Variants in ATP8A2 observed in about 807,000 individuals in gnomAD.
The protein encoded by ATP8A2 is ATPase phospholipid transporting 8A2.
Under a neutral mutation model 165.6 loss-of-function variants are expected in ATP8A2, and 100 were observed. The observed-to-expected ratio is 0.60, with a 90% confidence interval of 0.51 to 0.71. The LOEUF (loss-of-function observed/expected upper bound fraction) is 0.71, where lower values mean the gene tolerates loss of function less well. Ranked by LOEUF, ATP8A2 falls within the 30% of genes least tolerant of loss-of-function variation. The pLI is 0.00. For synonymous variants in ATP8A2, 543 were observed against 548.8 expected (o/e 0.99, Z 0.15); for missense variants, 1,227 against 1,479.5 (o/e 0.83, Z 2.80).
intron 33 of ATP8A2, among the ~76,000 whole-genome samples, chr13:25,916,582 A>G (rs1011981112): frequency 5.3e-5 from 8 of 152,158 alleles, no homozygotes; most frequent in South Asian, 2.1e-4. Context: ...CGGCTGTGCC[A>G]TGGGATCCAA....
At chr13:25,922,308 TTTATAGGTG>T (rs1259772302) in intron 33 of ATP8A2, among the ~76,000 whole-genome samples, 3 of 152,172 alleles carry the variant, frequency 2.0e-5, no homozygotes, top group Non-Finnish European at 4.4e-5. Context: ...CCCAGGTGGA[TTTATAGGTG>T]TTTAGAATAA....
intron 33 of ATP8A2, among the ~76,000 whole-genome samples, chr13:25,938,293 A>T (rs1416559733): frequency 6.6e-6 from 1 of 152,208 alleles, no homozygotes; most frequent in Non-Finnish European, 1.5e-5. Context: ...AAACGGACGG[A>T]CTTTTACAGC....
intron 24 of ATP8A2, among the ~76,000 whole-genome samples, chr13:25,684,160 T>C (rs960728677): frequency 2.0e-5 from 3 of 152,212 alleles, no homozygotes; most frequent in Non-Finnish European, 4.4e-5. Context: ...GTGTGTGACG[T>C]TGATCTTATT....
intron 33 of ATP8A2, among the ~76,000 whole-genome samples, chr13:25,890,341 C>T (rs2138893805): frequency 6.6e-6 from 1 of 152,212 alleles, no homozygotes; most frequent in Non-Finnish European, 1.5e-5. Context: ...TCTTTTGTAT[C>T]TCTTTAAATA....
chr13:25,854,952 C>A (rs1952115316), intron 30 of ATP8A2, among the ~76,000 whole-genome samples: 1 of 152,074 alleles, frequency 6.6e-6, no homozygotes, highest in Non-Finnish European at 1.5e-5. Context: ...ACCCTATATT[C>A]ATTAAGAATC....
chr13:25,444,947 T>G (rs187244068), intron 1 of ATP8A2, among the ~76,000 whole-genome samples: 46 of 152,322 alleles, frequency 3.0e-4, no homozygotes, highest in Non-Finnish European at 5.3e-4. Flanking sequence ...CCCGAGCATC[T>G]TTTCATGTGT....
intron 24 of ATP8A2, among the ~76,000 whole-genome samples, chr13:25,685,037 A>G (rs2042571992): frequency 6.6e-6 from 1 of 152,228 alleles, no homozygotes; most frequent in Non-Finnish European, 1.5e-5. Context: ...ACTCATTTAA[A>G]TAACCTGCTT....
At position 25,481,017 on chromosome 13, in the gene ATP8A2, G is replaced by A. The variant is rs183013421; in HGVS notation, c.221+11896G>A. Among the ~76,000 whole-genome samples, 38 of 152,298 alleles carry A rather than the reference G, an allele frequency of 2.5e-4. No individual in the cohort carries two copies. In the East Asian group the frequency reaches 6.6e-3, roughly 26 times the overall value. On this transcript the variant is annotated intron_variant, in intron 2 of 36. Coordinates refer to ENST00000381655, the MANE Select transcript of ATP8A2 (RefSeq NM_016529.6). ...AAAAAAATATGAAAACCAGTCAGGC[G>A]TGGCAGCGCGCGCCTGCAATCACAG...
intron 2 of ATP8A2, among the ~76,000 whole-genome samples, chr13:25,483,754 G>C (rs2036275018): frequency 6.6e-6 from 1 of 152,172 alleles, no homozygotes; most frequent in Admixed American, 6.5e-5. Context: ...AAAATAATTA[G>C]ATGAGAATGT....
At chr13:25,729,731 C>A (rs2043575875) in intron 25 of ATP8A2, among the ~76,000 whole-genome samples, 1 of 151,830 alleles carries the variant, frequency 6.6e-6, no homozygotes, top group South Asian at 2.1e-4. Flanking sequence ...AAAAAAAAAG[C>A]TGAAATGTTG....
intron 2 of ATP8A2, among the ~76,000 whole-genome samples, chr13:25,489,777 C>T (rs143723959): frequency 4.7e-4 from 72 of 152,254 alleles, no homozygotes; most frequent in African/African-American, 1.7e-3. Context: ...TTACTTATGC[C>T]TCGGAAATTG....
At chr13:25,856,485 A>G (rs767032889) in intron 30 of ATP8A2, among the ~76,000 whole-genome samples, 1 of 152,126 alleles carries the variant, frequency 6.6e-6, no homozygotes, top group Non-Finnish European at 1.5e-5. Flanking sequence ...CCTAGACTTC[A>G]CTCCCATATA....
At chr13:25,966,523 G>T (rs1370958933) in intron 34 of ATP8A2, among the ~76,000 whole-genome samples, 3 of 152,198 alleles carry the variant, frequency 2.0e-5, no homozygotes, top group Non-Finnish European at 4.4e-5. Flanking sequence ...GCTGTTAAAT[G>T]CATGCAGAAA....
chr13:25,649,487 C>T (rs2041760201), intron 24 of ATP8A2, among the ~76,000 whole-genome samples: 1 of 152,166 alleles, frequency 6.6e-6, no homozygotes, highest in Non-Finnish European at 1.5e-5. Context: ...AATAGAAATG[C>T]ATGGTTGAAG....
intron 25 of ATP8A2, among the ~76,000 whole-genome samples, chr13:25,719,912 G>T (rs186766657): frequency 3.9e-5 from 6 of 152,186 alleles, no homozygotes; most frequent in African/African-American, 9.6e-5. Context: ...ATGGGGCTCT[G>T]GTGGGGCCTC....
Position 25,839,504 on chromosome 13 carries a change from G to A in ATP8A2, c.2878-42G>A, listed in dbSNP as rs375269008. 39 of 1,477,332 alleles carry A rather than the reference G, an allele frequency of 2.6e-5. No individual in the cohort carries two copies. In the African/African-American group the frequency reaches 2.6e-4, roughly 10 times the overall value. 91.5% of individuals were successfully genotyped at this position (1,477,332 alleles called of 1,614,324 possible). On this transcript the variant is annotated intron_variant, in intron 29 of 36. Coordinates refer to ENST00000381655, the MANE Select transcript of ATP8A2 (RefSeq NM_016529.6). ...GTTGAGAGTTTCACAGAGGTCAAGC[G>A]TTTTGGGCAGCTCCTGACTCCCTTG...
intron 10 of ATP8A2, among the ~76,000 whole-genome samples, chr13:25,548,263 A>G (rs1035157918): frequency 4.6e-5 from 7 of 152,040 alleles, no homozygotes; most frequent in Admixed American, 4.6e-4. Context: ...AAGAAAACCC[A>G]TCATTGATCA....
In ATP8A2 at chr13:26,023,379, A is replaced by G. The variant is rs1039318452; in HGVS notation, c.*3394A>G. 1 of 152,168 alleles carries G rather than the reference A, an allele frequency of 6.6e-6. No individual in the cohort carries two copies. The highest frequency in any genetic ancestry group is 2.4e-5 in the African/African-American group (1 of 41,424). 9.4% of individuals were successfully genotyped at this position (152,168 alleles called of 1,614,324 possible). A position where few individuals can be genotyped will look rare whatever the true frequency, so the allele number is the denominator to read the frequency against. ...GGGCTTTGGGAGAGCTCAGCTGAGAATTCTGTTGACATTTTCTTTCCCTTG... is the reference window on the plus strand; with the variant it reads ...GGGCTTTGGGAGAGCTCAGCTGAGAGTTCTGTTGACATTTTCTTTCCCTTG... On this transcript the variant is annotated 3_prime_UTR_variant, in exon 37 of 37. Transcript: ENST00000381655.
At chr13:25,999,998 T>C (rs1324404) in intron 35 of ATP8A2, among the ~76,000 whole-genome samples, 151,962 of 152,326 alleles carry the variant, frequency 1, 75,801 homozygotes, top group Middle Eastern at 1. Context: ...AAAACAAAGG[T>C]CTAGGTAGGT....
Sources: allele counts gnomAD v4.1 joint callset (sites outside exome capture counted in the v4.1 genomes callset), GRCh38; gene constraint gnomAD v4.1.1; transcripts MANE v1.5; gene names NCBI Gene and HGNC (gene_info 2026-07-23, HGNC 2026-07-21).